Variants in EYS observed in about 807,000 individuals in gnomAD.
The protein encoded by EYS is protein eyes shut homolog.
EYS carries 250 observed loss-of-function variants against 282.1 expected under a neutral mutation model. That is an observed-to-expected ratio of 0.89 (90% CI 0.80 to 0.98). The LOEUF (loss-of-function observed/expected upper bound fraction) is 0.98, where lower values mean the gene tolerates loss of function less well. EYS is among the 50% of genes least tolerant of loss of function. The pLI, the probability that EYS is intolerant of heterozygous loss-of-function variation, is 0.00. For missense variants in EYS, 4,016 were observed against 3,709.0 expected (o/e 1.08, Z -2.15); for synonymous variants, 1,355 against 1,282.9 (o/e 1.06, Z -1.20).
intron 18 of EYS, among the ~76,000 whole-genome samples, chr6:64,895,262 C>T (rs1253561279): frequency 2.0e-5 from 3 of 152,144 alleles, no homozygotes; most frequent in African/African-American, 7.2e-5. Flanking sequence ...GATAGATAAA[C>T]AGAGCTCCTG....
intron 7 of EYS, among the ~76,000 whole-genome samples, chr6:65,388,324 G>T (rs371703082): frequency 6.6e-5 from 10 of 152,108 alleles, no homozygotes; most frequent in African/African-American, 2.4e-4. Flanking sequence ...AGTTTATGGG[G>T]AAGGGAGAGA....
intron 35 of EYS, among the ~76,000 whole-genome samples, chr6:63,870,830 T>C (rs1213372582): frequency 2.0e-5 from 3 of 152,206 alleles, no homozygotes; most frequent in Non-Finnish European, 4.4e-5. Context: ...ATTTAGATTA[T>C]AATCTGAAGC....
chr6:65,498,194 GTCTA>G (rs1382500654), intron 2 of EYS, among the ~76,000 whole-genome samples: 3 of 151,948 alleles, frequency 2.0e-5, no homozygotes, highest in Non-Finnish European at 2.9e-5. Flanking sequence ...TCAGTTTAAG[GTCTA>G]TCTGAGTGAT....
rs116772866 is a variant in EYS at position 65,511,469 on chromosome 6, C to T, written c.-332-15476G>A. On this transcript the variant is annotated intron_variant, in intron 2 of 42. Coordinates refer to ENST00000503581, the MANE Select transcript of EYS (RefSeq NM_001142800.2). ...ACCTTCTCTTTGCTTGCTTCATCTCCCATCTACATGCTTCTACATATGCTT... is the reference window on the plus strand; with the variant it reads ...ACCTTCTCTTTGCTTGCTTCATCTCTCATCTACATGCTTCTACATATGCTT... Among the ~76,000 whole-genome samples, 627 of 151,998 alleles carry T rather than the reference C, an allele frequency of 4.1e-3. 7 individuals are homozygous for T. Among genetic ancestry groups the T allele is most frequent in the African/African-American group, 0.014 (593 of 41,468 alleles).
intron 31 of EYS, among the ~76,000 whole-genome samples, chr6:64,082,890 TAAAAA>T (rs928035498): frequency 4.0e-5 from 6 of 148,916 alleles, no homozygotes; most frequent in East Asian, 2.0e-4. Context: ...CATTTGGTAA[TAAAAA>T]AAAGAAAATG....
At chr6:64,843,337 GC>G (rs1765621998) in intron 19 of EYS, among the ~76,000 whole-genome samples, 1 of 152,290 alleles carries the variant, frequency 6.6e-6, no homozygotes, top group Admixed American at 6.5e-5. Flanking sequence ...TCCACTGACA[GC>G]TTGCACAGTA....
intron 26 of EYS, among the ~76,000 whole-genome samples, chr6:64,461,891 G>T (rs960035260): frequency 1.3e-5 from 2 of 152,004 alleles, no homozygotes; most frequent in East Asian, 1.9e-4. Context: ...TTTTGATTTT[G>T]AAGAAATAAT....
At chr6:63,908,045 T>TAC (rs1411539420) in intron 35 of EYS, among the ~76,000 whole-genome samples, 74 of 42,678 alleles carry the variant, frequency 1.7e-3, no homozygotes, top group African/African-American at 9.6e-3. Flanking sequence ...TTTGTGTGTG[T>TAC]GTGTGTGTGT....
chr6:64,763,033 CAATAT>C (rs1180090541), intron 22 of EYS, among the ~76,000 whole-genome samples: 2 of 152,192 alleles, frequency 1.3e-5, no homozygotes, highest in East Asian at 3.9e-4. Context: ...ATTATGAACA[CAATAT>C]AAAACAGGGT....
intron 2 of EYS, among the ~76,000 whole-genome samples, chr6:65,605,067 A>T (rs1192687544): frequency 1.3e-5 from 2 of 148,752 alleles, no homozygotes; most frequent in African/African-American, 5.0e-5. Context: ...CTGGTCTTGA[A>T]CTCCTGGACT....
At chr6:64,370,321 A>G (rs188485173) in intron 29 of EYS, among the ~76,000 whole-genome samples, 78 of 152,176 alleles carry the variant, frequency 5.1e-4, no homozygotes, top group Non-Finnish European at 9.0e-4. Context: ...GGTGAATCAC[A>G]TTTATTGATT....
At chr6:64,382,272 T>A (rs1772771140) in intron 29 of EYS, among the ~76,000 whole-genome samples, 1 of 152,324 alleles carries the variant, frequency 6.6e-6, no homozygotes. Context: ...CCTGAGGTTA[T>A]GTCATCTGGC....
At chr6:65,370,809 A>G (rs1765114601) in intron 8 of EYS, among the ~76,000 whole-genome samples, 1 of 151,926 alleles carries the variant, frequency 6.6e-6, no homozygotes. Context: ...TCCACCAACT[A>G]CATTTGGCAT....
chr6:65,338,709 A>G (rs1770085301), intron 10 of EYS, among the ~76,000 whole-genome samples: 1 of 151,148 alleles, frequency 6.6e-6, no homozygotes, highest in Admixed American at 6.6e-5. Flanking sequence ...TAAAATCATG[A>G]TTTTGGGCAG....
At chr6:64,888,026 C>A (rs1043501231) in intron 18 of EYS, among the ~76,000 whole-genome samples, 3 of 151,990 alleles carry the variant, frequency 2.0e-5, no homozygotes, top group African/African-American at 7.2e-5. Flanking sequence ...TATGTTGTTA[C>A]AAATAACAGG....
intron 12 of EYS, among the ~76,000 whole-genome samples, chr6:65,225,951 G>T (rs2150263556): frequency 6.6e-6 from 1 of 152,034 alleles, no homozygotes; most frequent in East Asian, 1.9e-4. Context: ...ACAAAAGATG[G>T]AAAGTTTTAC....
chr6:64,908,930 C>T (rs892069432), intron 16 of EYS, among the ~76,000 whole-genome samples: 2 of 152,116 alleles, frequency 1.3e-5, no homozygotes, highest in African/African-American at 2.4e-5. Context: ...GTTCTCAATC[C>T]TGTCTGAGAA....
At chr6:65,197,030 T>C (rs931057190) in intron 12 of EYS, among the ~76,000 whole-genome samples, 2 of 152,026 alleles carry the variant, frequency 1.3e-5, no homozygotes, top group African/African-American at 4.8e-5. Flanking sequence ...TCCATGTAAA[T>C]TGCATTTTAA....
chr6:64,291,979 A>G (rs761517174), intron 30 of EYS, among the ~76,000 whole-genome samples: 1 of 152,174 alleles, frequency 6.6e-6, no homozygotes, highest in Non-Finnish European at 1.5e-5. Context: ...AATATCATTT[A>G]TTCCTTATAT....
Sources: allele counts gnomAD v4.1 joint callset (sites outside exome capture counted in the v4.1 genomes callset), GRCh38; gene constraint gnomAD v4.1.1; transcripts MANE v1.5; gene names NCBI Gene and HGNC (gene_info 2026-07-23, HGNC 2026-07-21).